TMEM242: variants seen among roughly 807,000 people sequenced by gnomAD.
TMEM242 encodes the protein transmembrane protein 242, also known as UPF0463 transmembrane protein C6orf35.
A neutral mutation model predicts 18.2 loss-of-function variants in TMEM242; 10 were observed. The observed-to-expected ratio is 0.55, with a 90% confidence interval of 0.34 to 0.93. The LOEUF (loss-of-function observed/expected upper bound fraction) is 0.93, where lower values mean the gene tolerates loss of function less well. TMEM242 is among the 40% of genes least tolerant of loss of function. The pLI is 0.02. For synonymous variants in TMEM242, 57 were observed against 69.9 expected (o/e 0.81, Z 0.92); for missense variants, 186 against 175.5 (o/e 1.06, Z -0.34).
intron 3 of TMEM242, chr6:157,300,222 T>A: frequency 2.4e-6 from 1 of 421,316 alleles, no homozygotes; most frequent in East Asian, 4.9e-5. Context: ...CCTTCAGCCC[T>A]CTGTGGCGAG....
At chr6:157,295,462 G>A (rs1777738466) in intron 3 of TMEM242, among the ~76,000 whole-genome samples, 1 of 152,200 alleles carries the variant, frequency 6.6e-6, no homozygotes, top group Non-Finnish European at 1.5e-5. Context: ...GAAGCCAGAT[G>A]ACAATTTTCA....
chr6:157,312,443 C>CT (rs1562384798), intron 3 of TMEM242, among the ~76,000 whole-genome samples: 1,001 of 95,864 alleles, frequency 0.01, 8 homozygotes, highest in Admixed American at 0.014. Flanking sequence ...GTGCACTCAC[C>CT]GAGCCTCATA....
At position 157,292,775 on chromosome 6, in the gene TMEM242, G is replaced by A. The variant is rs1777700768; in HGVS notation, c.*126C>T. The A allele has an allele frequency of 2.7e-6, 2 of 730,274 alleles. No individual in the cohort carries two copies. The highest frequency in any genetic ancestry group is 5.0e-5 in the East Asian group (2 of 40,206). The allele number at this position is 730,274 out of a possible 1,614,324, so 45.2% of individuals were successfully genotyped here. A position where few individuals can be genotyped will look rare whatever the true frequency, so the allele number is the denominator to read the frequency against. On this transcript the variant is annotated 3_prime_UTR_variant, in exon 4 of 4. Transcript: ENST00000400788. Reference sequence around the variant, plus strand: ...GTGATGAGGCTGAATGCTATCCAGTGCACTGGTTCAGTCAGCAATCTGCCC... The same window carrying A: ...GTGATGAGGCTGAATGCTATCCAGTACACTGGTTCAGTCAGCAATCTGCCC...
At position 157,294,507 on chromosome 6, in the gene TMEM242, C is replaced by T. The variant is rs782661466; in HGVS notation, c.328-1508G>A. 5.3e-4 allele frequency among the ~76,000 whole-genome samples: 80 copies of T among 151,650 alleles called. 1 individual carries two copies. In the South Asian group the frequency reaches 8.8e-3, roughly 17 times the overall value. On this transcript the variant is annotated intron_variant, in intron 3 of 3. Coordinates refer to ENST00000400788, the MANE Select transcript of TMEM242 (RefSeq NM_018452.6). ...CTGGGACTACAGGCGCCCGCCACTA[C>T]GCCCGGCTAATTTTTTGTATTTTTA...
intron 3 of TMEM242, among the ~76,000 whole-genome samples, chr6:157,316,828 C>T (rs1056877438): frequency 6.6e-6 from 1 of 152,176 alleles, no homozygotes; most frequent in South Asian, 2.1e-4. Context: ...TGAGGTCACA[C>T]CACTGCACTC....
At chr6:157,313,498 C>CG (rs1554249795) in intron 3 of TMEM242, among the ~76,000 whole-genome samples, 5 of 148,348 alleles carry the variant, frequency 3.4e-5, no homozygotes, top group Non-Finnish European at 6.0e-5. Flanking sequence ...CTCACCTAGA[C>CG]TCATCATAGT....
At chr6:157,293,821 C>A (rs868971601) in intron 3 of TMEM242, among the ~76,000 whole-genome samples, 1 of 152,180 alleles carries the variant, frequency 6.6e-6, no homozygotes, top group South Asian at 2.1e-4. Context: ...CAGCCTCAAC[C>A]TCCCGGGCTC....
chr6:157,302,654 T>G (rs1442647976), intron 3 of TMEM242, among the ~76,000 whole-genome samples: 2 of 152,350 alleles, frequency 1.3e-5, no homozygotes, highest in East Asian at 3.9e-4. Flanking sequence ...GAGATGTATG[T>G]GACCTCCAGA....
chr6:157,314,135 C>A (rs1554250047), intron 3 of TMEM242, among the ~76,000 whole-genome samples: 1 of 87,240 alleles, frequency 1.1e-5, no homozygotes, highest in Non-Finnish European at 2.5e-5. Context: ...TGTGCGCTCA[C>A]CCGGCCTCAT....
At chr6:157,307,860 G>T (rs940263202) in intron 3 of TMEM242, among the ~76,000 whole-genome samples, 11 of 152,194 alleles carry the variant, frequency 7.2e-5, no homozygotes, top group Non-Finnish European at 1.6e-4. Flanking sequence ...TGGAAACGAG[G>T]CCGAATATGC....
At chr6:157,322,872 G>A in intron 1 of TMEM242, 67 bp from the exon 2 acceptor site, 1 of 1,357,194 alleles carries the variant, frequency 7.4e-7, no homozygotes, top group Non-Finnish European at 1.0e-6. Flanking sequence ...TTAAAAAGAT[G>A]TACAAAAGTA....
intron 3 of TMEM242, among the ~76,000 whole-genome samples, chr6:157,312,999 T>C (rs1554249556): frequency 6.6e-6 from 1 of 151,996 alleles, no homozygotes; most frequent in African/African-American, 2.4e-5. Flanking sequence ...CTCATCATAG[T>C]GTCCCAGTGT....
At chr6:157,310,440 G>A (rs1777989775) in intron 3 of TMEM242, among the ~76,000 whole-genome samples, 2 of 141,080 alleles carry the variant, frequency 1.4e-5, no homozygotes, top group Non-Finnish European at 1.6e-5. Flanking sequence ...GTGTCCCAGT[G>A]TGCACTCACC....
intron 3 of TMEM242, among the ~76,000 whole-genome samples, chr6:157,310,433 TC>T (rs1777989330): frequency 2.7e-4 from 1 of 3,772 alleles, no homozygotes; most frequent in South Asian, 6.5e-3. Context: ...CATCATAGTG[TC>T]CCAGTGTGCA....
In TMEM242 at chr6:157,310,869, A is replaced by G. The variant is rs1583563316; in HGVS notation, c.327+7913T>C. Among the ~76,000 whole-genome samples the G allele has an allele frequency of 8.3e-5, 12 of 145,292 alleles. No homozygotes were observed. The Admixed American group carries it at 8.3e-4, about 10-fold the overall frequency. On this transcript the variant is annotated intron_variant, in intron 3 of 3. Transcript: ENST00000400788. ...CAGTGTGCACTCACCTAGCCTCATCATAGTGCCCCAGTGTGCACTCACCTA... is the reference window on the plus strand; with the variant it reads ...CAGTGTGCACTCACCTAGCCTCATCGTAGTGCCCCAGTGTGCACTCACCTA...
rs1554250050 is a variant in TMEM242 at position 157,314,141 on chromosome 6, C to T, written c.327+4641G>A. 4.0e-5 allele frequency among the ~76,000 whole-genome samples: 6 copies of T among 151,428 alleles called. No individual in the cohort carries two copies. In the East Asian group the frequency reaches 7.8e-4, roughly 20 times the overall value. On this transcript the variant is annotated intron_variant, in intron 3 of 3. Coordinates refer to ENST00000400788, the MANE Select transcript of TMEM242 (RefSeq NM_018452.6). ...GTGTCCCAGTGTGCGCTCACCCGGC[C>T]TCATCATAGTGTCCCTGTGTGCGCT...
intron 3 of TMEM242, among the ~76,000 whole-genome samples, chr6:157,304,931 T>C (rs1175858002): frequency 6.6e-6 from 1 of 151,994 alleles, no homozygotes; most frequent in African/African-American, 2.4e-5. Context: ...GTTGAAGGAA[T>C]AAGAATGCTG....
chr6:157,312,359 C>CCCCAGTGTGCACTCA (rs1778176969), intron 3 of TMEM242, among the ~76,000 whole-genome samples: 1 of 74,320 alleles, frequency 1.3e-5, no homozygotes, highest in Non-Finnish European at 2.7e-5. Flanking sequence ...CTCATCATGT[C>CCCCAGTGTGCACTCA]CCAGTGTGCA....
chr6:157,294,814 A>G (rs1197736131), intron 3 of TMEM242, among the ~76,000 whole-genome samples: 1 of 152,212 alleles, frequency 6.6e-6, no homozygotes, highest in Non-Finnish European at 1.5e-5. Flanking sequence ...TGCAAACTGT[A>G]GCACTGCTGT....
Sources: gnomAD v4.1 joint callset for allele counts (sites outside exome capture counted in the v4.1 genomes callset) on GRCh38, gnomAD v4.1.1 for gene constraint, MANE v1.5 for transcripts, NCBI Gene and HGNC (gene_info 2026-07-23, HGNC 2026-07-21) for gene names.